The following MYCBP2 variants were observed in gnomAD, a reference collection of about 807,000 sequenced individuals.
MYCBP2 encodes the protein MYC binding protein 2.
A neutral mutation model predicts 525.3 loss-of-function variants in MYCBP2; 120 were observed. The observed-to-expected ratio is 0.23, with a 90% CI of 0.20 to 0.27. MYCBP2 has a LOEUF of 0.27. Among genes scored for constraint, MYCBP2 ranks in the 10% least tolerant of loss-of-function variants. The pLI, the probability that MYCBP2 is intolerant of heterozygous loss-of-function variation, is 1.00. For missense variants in MYCBP2, 4,149 were observed against 5,657.1 expected, an observed-to-expected ratio of 0.73 and a Z score of 8.55; for synonymous variants, 1,894 against 1,955.8, an observed-to-expected ratio of 0.97 and a Z score of 0.83.
intron 17 of MYCBP2, among the ~76,000 whole-genome samples, chr13:77,241,825 C>T (rs1459483089): frequency 6.6e-6 from 1 of 151,766 alleles, no homozygotes; most frequent in Non-Finnish European, 1.5e-5. Flanking sequence ...CTACTTATTC[C>T]ATATATTAAC....
chr13:77,158,125 GAA>G lies in MYCBP2; in HGVS notation c.6598-18_6598-17del. On this transcript the variant is annotated splice_polypyrimidine_tract_variant and intron_variant, in intron 44 of 82. Coordinates refer to ENST00000544440, the MANE Select transcript of MYCBP2 (RefSeq NM_015057.5). ...TTTTGCACACCTGTTAAGTAAAAAAGAATATTTATATATTCTTAAAAATAAAA... is the reference window on the plus strand; with the variant it reads ...TTTTGCACACCTGTTAAGTAAAAAAGTATTTATATATTCTTAAAAATAAAA... 1 of 1,498,388 alleles carries G rather than the reference GAA, an allele frequency of 6.7e-7. No individual in the cohort carries two copies. The highest frequency in any genetic ancestry group is 8.9e-7 in the Non-Finnish European group (1 of 1,121,414). 92.8% of individuals were successfully genotyped at this position (1,498,388 alleles called of 1,614,324 possible).
chr13:77,076,791 G>A lies in MYCBP2; in HGVS notation c.11783C>T (p.Ala3928Val). ...AEPTPEQEEKALLSSPEGEEK... is the reference protein window; with the variant it reads ...AEPTPEQEEKVLLSSPEGEEK... ...TTCTCCTTCAGGTGATGACAATAGT[G>A]CTTTTTCCTCTTGTTCTGGTGTAGG... is the stretch of plus-strand genomic sequence containing the variant. The change falls in exon 68 of 83, where the codon GCA becomes GTA. Residue 3928 changes from alanine to valine, a missense_variant. Ala to Val is a moderately conservative substitution (Grantham distance 64). Transcript: ENST00000544440. 1.2e-6 allele frequency: 2 copies of A among 1,612,638 alleles called. No individual in the cohort carries two copies. The highest frequency in any genetic ancestry group is 2.2e-5 in the East Asian group (1 of 44,828).
At chr13:77,195,313 T>C (rs573699512) in intron 26 of MYCBP2, among the ~76,000 whole-genome samples, 40 of 152,280 alleles carry the variant, frequency 2.6e-4, no homozygotes, top group African/African-American at 9.4e-4. Flanking sequence ...AAGTCTGAAA[T>C]AGGCCAGGCC....
In MYCBP2 at chr13:77,288,242, T is replaced by C. The variant is rs2077094877; in HGVS notation, c.513A>G (p.Ala171=). Residue 171 remains alanine (A), a synonymous_variant, in exon 3 of 83, where the codon GCA becomes GCG. Coordinates refer to ENST00000544440, the MANE Select transcript of MYCBP2 (RefSeq NM_015057.5). The part of the protein sequence containing the change: ...WQKKEISLAA[A]SKNSVQSGES... Reference sequence around the variant, plus strand: ...CTCCACTCTGCACAGAGTTCTTAGATGCGGCTGCCAATGATATTTCCTTTT... The same window carrying C: ...CTCCACTCTGCACAGAGTTCTTAGACGCGGCTGCCAATGATATTTCCTTTT... 2 of 1,614,094 alleles carry C rather than the reference T, an allele frequency of 1.2e-6. No individual in the cohort carries two copies. The highest frequency in any genetic ancestry group is 2.7e-5 in the African/African-American group (2 of 74,938).
chr13:77,236,833 G>A (rs553545388), intron 17 of MYCBP2, among the ~76,000 whole-genome samples: 2 of 151,912 alleles, frequency 1.3e-5, no homozygotes, highest in East Asian at 3.9e-4. Flanking sequence ...AGTTGTTCGA[G>A]GCCAGCCTGG....
At chr13:77,262,256 A>ATCCT in intron 10 of MYCBP2, 127 bp from the exon 11 acceptor site, 1 of 683,420 alleles carries the variant, frequency 1.5e-6, no homozygotes, top group Non-Finnish European at 2.3e-6. Context: ...ACAAAATGTC[A>ATCCT]TGTGCTCAAA....
At chr13:77,296,429 A>G (rs1034798395) in intron 2 of MYCBP2, among the ~76,000 whole-genome samples, 170 bp downstream of exon 2, 2 of 152,032 alleles carry the variant, frequency 1.3e-5, no homozygotes, top group Non-Finnish European at 2.9e-5. Context: ...GAAAAGAAAC[A>G]CCCAAAAGAA....
chr13:77,067,749 T>A lies in MYCBP2; in HGVS notation c.12287A>T (p.Glu4096Val), dbSNP rs904448933. The change falls in exon 71 of 83, where the codon GAG becomes GTG. Residue 4096 changes from glutamate to valine, a missense_variant. Transcript: ENST00000544440. ...ACCCAGCTTATTCCAGTCTCCTTTC[T>A]CTGTTGAGTGAATGATATCACTGAT... Reference protein sequence around the residue: ...ADISDIIHSTEKGDWNKLGIL... With the variant: ...ADISDIIHSTVKGDWNKLGIL... 6.2e-7 allele frequency: 1 copy of A among 1,614,096 alleles called. No individual in the cohort carries two copies. Among genetic ancestry groups the A allele is most frequent in the East Asian group, 2.2e-5 (1 of 44,878 alleles).
intron 26 of MYCBP2, among the ~76,000 whole-genome samples, chr13:77,203,296 T>C (rs2062854158): frequency 6.6e-6 from 1 of 152,040 alleles, no homozygotes; most frequent in African/African-American, 2.4e-5. Context: ...CCATTCACAA[T>C]TGCTTCAAAG....
intron 59 of MYCBP2, among the ~76,000 whole-genome samples, chr13:77,092,848 A>C (rs2045661397): frequency 6.6e-6 from 1 of 152,164 alleles, no homozygotes; most frequent in African/African-American, 2.4e-5. Flanking sequence ...AAGAAGTTTA[A>C]GATTTATTTT....
At chr13:77,137,901 A>T (rs918491479) in intron 52 of MYCBP2, among the ~76,000 whole-genome samples, 3 of 152,052 alleles carry the variant, frequency 2.0e-5, no homozygotes, top group African/African-American at 7.2e-5. Context: ...CTGTATAAAA[A>T]ACAAAAACCA....
intron 2 of MYCBP2, among the ~76,000 whole-genome samples, chr13:77,294,109 T>TAC (rs1555465542): frequency 2.7e-4 from 14 of 52,400 alleles, no homozygotes; most frequent in Non-Finnish European, 5.6e-4. Flanking sequence ...AATGGCTATA[T>TAC]ATATATATAT....
intron 1 of MYCBP2, among the ~76,000 whole-genome samples, chr13:77,325,683 TCTCTA>T (rs1421313579): frequency 1.3e-5 from 2 of 152,096 alleles, no homozygotes; most frequent in African/African-American, 4.8e-5. Flanking sequence ...TACAAAACCC[TCTCTA>T]CTCTAAAGCC....
chr13:77,307,624 T>TTAA (rs2079611744), intron 1 of MYCBP2, among the ~76,000 whole-genome samples: 1 of 38,496 alleles, frequency 2.6e-5, no homozygotes, highest in Admixed American at 4.6e-4. Context: ...AGACCCTGTC[T>TTAA]CAAAAAAAAA....
intron 8 of MYCBP2, among the ~76,000 whole-genome samples, chr13:77,267,073 T>C (rs1258381353): frequency 4.6e-5 from 7 of 152,108 alleles, no homozygotes; most frequent in Non-Finnish European, 8.8e-5. Context: ...ATTGCTACTA[T>C]GAAATTATTG....
intron 2 of MYCBP2, among the ~76,000 whole-genome samples, chr13:77,293,730 C>T (rs978634805): frequency 6.6e-6 from 1 of 152,060 alleles, no homozygotes; most frequent in Non-Finnish European, 1.5e-5. Context: ...CATGAGAAAA[C>T]TCAACCAACC....
At chr13:77,272,284 T>G (rs1394839623) in intron 5 of MYCBP2, 1 of 152,230 alleles carries the variant, frequency 6.6e-6, no homozygotes, top group Admixed American at 6.5e-5. Context: ...CACCAAAAAT[T>G]TCTCCTGGCT....
chr13:77,088,570 T>A (rs1374098575), intron 61 of MYCBP2, among the ~76,000 whole-genome samples: 1 of 151,906 alleles, frequency 6.6e-6, no homozygotes, highest in Admixed American at 6.6e-5. Context: ...AAAAAGCTTT[T>A]AAAAAAAAGA....
intron 39 of MYCBP2, among the ~76,000 whole-genome samples, chr13:77,168,991 A>T (rs988861966): frequency 6.6e-6 from 1 of 152,226 alleles, no homozygotes; most frequent in Non-Finnish European, 1.5e-5. Context: ...TGCTATTGTT[A>T]TTAATGAAGA....
Sources: gnomAD v4.1 joint callset for allele counts (sites outside exome capture counted in the v4.1 genomes callset) on GRCh38, gnomAD v4.1.1 for gene constraint, MANE v1.5 for transcripts, NCBI Gene and HGNC (gene_info 2026-07-23, HGNC 2026-07-21) for gene names.